The following AOAH variants were observed in gnomAD, a reference collection of about 807,000 sequenced individuals.
The protein encoded by AOAH is acyloxyacyl hydrolase (neutrophil).
Under a neutral mutation model 92.2 loss-of-function variants are expected in AOAH, and 64 were observed. The ratio of observed to expected loss-of-function variants is 0.69; its 90% CI spans 0.57 to 0.86. AOAH has a LOEUF of 0.86. AOAH is among the 40% of genes least tolerant of loss of function. AOAH has a pLI of 0.00. For missense variants in AOAH, 656 were observed against 694.6 expected, an observed-to-expected ratio of 0.94 and a Z score of 0.62; for synonymous variants, 263 against 254.5, an observed-to-expected ratio of 1.03 and a Z score of -0.32.
chr7:36,626,178 C>CAGAG (rs780078026), intron 6 of AOAH, among the ~76,000 whole-genome samples: 7 of 150,348 alleles, frequency 4.7e-5, no homozygotes, highest in African/African-American at 1.7e-4. Flanking sequence ...GACAGATCAA[C>CAGAG]AGAGAGAGAG....
intron 11 of AOAH, among the ~76,000 whole-genome samples, chr7:36,603,256 C>A (rs1007054371): frequency 6.6e-6 from 1 of 152,136 alleles, no homozygotes; most frequent in African/African-American, 2.4e-5. Flanking sequence ...TGTCCCCAAC[C>A]TCTCCTGACA....
chr7:36,565,334 G>A (rs926897053), intron 13 of AOAH, among the ~76,000 whole-genome samples: 2 of 152,156 alleles, frequency 1.3e-5, no homozygotes, highest in Admixed American at 1.3e-4. Context: ...ACTCAACCCA[G>A]TAGTTGGGCT....
At chr7:36,585,847 A>G (rs1349658667) in intron 12 of AOAH, among the ~76,000 whole-genome samples, 3 of 152,228 alleles carry the variant, frequency 2.0e-5, no homozygotes, top group Admixed American at 2.0e-4. Context: ...AACTGGGGAC[A>G]AAAAGTGAGG....
intron 15 of AOAH, among the ~76,000 whole-genome samples, chr7:36,541,275 A>G (rs1785406900): frequency 6.6e-6 from 1 of 152,294 alleles, no homozygotes; most frequent in East Asian, 1.9e-4. Flanking sequence ...CTTGTGCTCT[A>G]TAGAGGGTAT....
In AOAH at chr7:36,643,761, C is replaced by A. The variant is rs137964925; in HGVS notation, c.391-5851G>T. ...ATCATGGGGGTGGATTTCCCCCTTG[C>A]CCTTCTCATGATAGTGGGTGAGTTC... On this transcript the variant is annotated intron_variant, in intron 4 of 20. Transcript: ENST00000617537. Among the ~76,000 whole-genome samples, 481 of 152,106 alleles carry A rather than the reference C, an allele frequency of 3.2e-3. 1 individual carries two copies. The highest frequency in any genetic ancestry group is 5.1e-3 in the Non-Finnish European group (346 of 68,004).
At chr7:36,590,164 C>T (rs1359486501) in intron 12 of AOAH, among the ~76,000 whole-genome samples, 1 of 152,074 alleles carries the variant, frequency 6.6e-6, no homozygotes, top group African/African-American at 2.4e-5. Flanking sequence ...TGCTATGTTG[C>T]TCAAGCTGAT....
intron 1 of AOAH, among the ~76,000 whole-genome samples, chr7:36,693,244 G>A (rs183482709): frequency 1.4e-4 from 21 of 152,220 alleles, no homozygotes; most frequent in African/African-American, 3.9e-4. Context: ...TGGATATCAA[G>A]AAATTATTAA....
At chr7:36,650,543 T>G (rs752342585) in intron 4 of AOAH, among the ~76,000 whole-genome samples, 1 of 152,198 alleles carries the variant, frequency 6.6e-6, no homozygotes, top group Non-Finnish European at 1.5e-5. Context: ...CACCCTTCAG[T>G]GCTCGTCAAA....
intron 8 of AOAH, among the ~76,000 whole-genome samples, chr7:36,621,411 G>GTT (rs2116067258): frequency 6.6e-6 from 1 of 152,288 alleles, no homozygotes; most frequent in African/African-American, 2.4e-5. Flanking sequence ...AAGATAATCT[G>GTT]TTCACTTGAT....
chr7:36,707,080 T>A (rs1217592669), intron 1 of AOAH, among the ~76,000 whole-genome samples: 1 of 86,530 alleles, frequency 1.2e-5, no homozygotes, highest in Non-Finnish European at 2.4e-5. Context: ...GCTAACTGTT[T>A]GGCATATCTT....
chr7:36,571,083 A>G (rs898286080), intron 13 of AOAH, among the ~76,000 whole-genome samples: 8 of 152,172 alleles, frequency 5.3e-5, no homozygotes, highest in African/African-American at 9.7e-5. Context: ...TCTGCTGGGC[A>G]TAGGGGCATG....
At chr7:36,588,635 C>T (rs553714169) in intron 12 of AOAH, among the ~76,000 whole-genome samples, 1 of 152,316 alleles carries the variant, frequency 6.6e-6, no homozygotes, top group Non-Finnish European at 1.5e-5. Flanking sequence ...ATTCCCTACT[C>T]TCCAATTTTC....
At chr7:36,523,586 G>A (rs572826082) in intron 19 of AOAH, among the ~76,000 whole-genome samples, 1 of 149,222 alleles carries the variant, frequency 6.7e-6, no homozygotes, top group African/African-American at 2.5e-5. Context: ...TTTTGGGGAA[G>A]CTTGCCTGGC....
chr7:36,517,211 T>TTTCTTTCTTTCA (rs1491393975), intron 20 of AOAH, among the ~76,000 whole-genome samples: 1 of 63,362 alleles, frequency 1.6e-5, no homozygotes, highest in Non-Finnish European at 3.6e-5. Flanking sequence ...TCTTTCTTTC[T>TTTCTTTCTTTCA]TTCTCTTTCT....
At position 36,632,101 on chromosome 7, in the gene AOAH, A is replaced by C; in HGVS notation, c.456T>G (p.Tyr152Ter). The change falls in exon 6 of 21, where the codon TAT (tyrosine) becomes TAG (stop). Residue 152 changes from tyrosine (Y) to a stop codon, truncating the protein, a stop_gained. Coordinates refer to ENST00000617537, the MANE Select transcript of AOAH (RefSeq NM_001637.4). LOFTEE classifies it high-confidence loss of function. Reference protein sequence around the residue: ...QIVKKSPILKYSRSGSDICSL... With the variant: ...QIVKKSPILK Reference sequence around the variant, plus strand: ...AACAAATGTCAGAACCACTTCTAGAATATTTCTGGGGAGAAAAAAAAAAAC... The same window carrying C: ...AACAAATGTCAGAACCACTTCTAGACTATTTCTGGGGAGAAAAAAAAAAAC... The C allele has an allele frequency of 6.2e-7, 1 of 1,610,330 alleles. No homozygotes were observed. The highest frequency in any genetic ancestry group is 2.2e-5 in the East Asian group (1 of 44,800).
chr7:36,589,762 G>A (rs1443372779), intron 12 of AOAH, among the ~76,000 whole-genome samples: 1 of 152,116 alleles, frequency 6.6e-6, no homozygotes. Flanking sequence ...GATTTTAAAT[G>A]ATGCTTTCAA....
chr7:36,616,129 C>T (rs1187381490), intron 11 of AOAH, among the ~76,000 whole-genome samples: 2 of 152,230 alleles, frequency 1.3e-5, no homozygotes, highest in African/African-American at 4.8e-5. Flanking sequence ...GTGCATTCTC[C>T]ACCTTCTTGA....
At chr7:36,513,723 AG>A (rs1157901321) in intron 20 of AOAH, among the ~76,000 whole-genome samples, 2 of 152,208 alleles carry the variant, frequency 1.3e-5, no homozygotes, top group Non-Finnish European at 2.9e-5. Flanking sequence ...TCAGTCCTGC[AG>A]TCTCAACGGG....
chr7:36,717,458 T>C lies in AOAH; in HGVS notation c.127+6564A>G, dbSNP rs1729995282. Among the ~76,000 whole-genome samples the C allele has an allele frequency of 3.3e-5, 5 of 149,510 alleles. No homozygotes were observed. The South Asian group carries it at 1.1e-3, about 32-fold the overall frequency. On this transcript the variant is annotated intron_variant, in intron 1 of 20. Coordinates refer to ENST00000617537, the MANE Select transcript of AOAH (RefSeq NM_001637.4). ...GAAGCTGGAATTGGTAACCAGAAGG[T>C]GAACACACTTCTGCGGGCTGAACTA...
Sources: gnomAD v4.1 joint callset for allele counts (sites outside exome capture counted in the v4.1 genomes callset) on GRCh38, gnomAD v4.1.1 for gene constraint, MANE v1.5 for transcripts, NCBI Gene and HGNC (gene_info 2026-07-23, HGNC 2026-07-21) for gene names.